NFIX: variants seen among roughly 807,000 people sequenced by gnomAD.
NFIX encodes the protein nuclear factor I X.
In NFIX, 2 loss-of-function variants were observed where a neutral mutation model predicts 53.3. The observed-to-expected ratio is 0.04, with a 90% CI of 0.02 to 0.12. NFIX has a LOEUF of 0.12. Ranked by LOEUF, NFIX falls within the 10% of genes least tolerant of loss-of-function variation. NFIX has a pLI of 1.00. For missense variants in NFIX, 310 were observed against 674.5 expected, an observed-to-expected ratio of 0.46 and a Z score of 5.99; for synonymous variants, 244 against 289.0, an observed-to-expected ratio of 0.84 and a Z score of 1.58.
At chr19:13,010,956 G>C (rs560658086) in intron 1 of NFIX, among the ~76,000 whole-genome samples, 1 of 152,288 alleles carries the variant, frequency 6.6e-6, no homozygotes, top group South Asian at 2.1e-4. Context: ...TGGCGCCCCT[G>C]CATGTGCTAT....
intron 2 of NFIX, among the ~76,000 whole-genome samples, chr19:13,063,202 T>C (rs886111729): frequency 6.6e-6 from 1 of 152,214 alleles, no homozygotes; most frequent in African/African-American, 2.4e-5. Context: ...TGCCCTGGGC[T>C]AAAGTGAATT....
rs1379274962 is a variant in NFIX, at chr19:13,095,482, C to T, written c.*833C>T. 1 of 152,348 alleles carries T rather than the reference C, an allele frequency of 6.6e-6. No homozygotes were observed. Among genetic ancestry groups the T allele is most frequent in the African/African-American group, 2.4e-5 (1 of 41,450 alleles). 9.4% of individuals were successfully genotyped at this position (152,348 alleles called of 1,614,324 possible). A position where few individuals can be genotyped will look rare whatever the true frequency, so the allele number is the denominator to read the frequency against. Reference sequence around the variant, plus strand: ...CCCAGCCTGGGACAGGCCCCCTTTCCCCTCTCTCTGCAGGCCAGGAGGGCC... The same window carrying T: ...CCCAGCCTGGGACAGGCCCCCTTTCTCCTCTCTCTGCAGGCCAGGAGGGCC... On this transcript the variant is annotated 3_prime_UTR_variant, in exon 11 of 11. Coordinates refer to ENST00000592199, the MANE Select transcript of NFIX (RefSeq NM_001365902.3).
chr19:13,019,046 C>CA (rs958028952), intron 1 of NFIX, among the ~76,000 whole-genome samples: 2 of 152,112 alleles, frequency 1.3e-5, no homozygotes, highest in African/African-American at 4.8e-5. Flanking sequence ...CCCAGATCAA[C>CA]ATGGGCCCAA....
chr19:13,092,138 C>A (rs1295291377), intron 10 of NFIX, among the ~76,000 whole-genome samples: 3 of 151,966 alleles, frequency 2.0e-5, no homozygotes, highest in Non-Finnish European at 4.4e-5. Context: ...GGGGTACAGC[C>A]GGGGGTGGTT....
rs754517643 is a variant in NFIX at position 13,075,547 on chromosome 19, C to T, written c.831C>T (p.Arg277=). 1 of 1,613,746 alleles carries T rather than the reference C, an allele frequency of 6.2e-7. No homozygotes were observed. Among genetic ancestry groups the T allele is most frequent in the Non-Finnish European group, 8.5e-7 (1 of 1,179,788 alleles). Reference sequence around the variant, plus strand: ...CTTTCTTCCCCAGCACCACCAAGCGCCCCAAGTCCATCGATGACAGTGAGA... The same window carrying T: ...CTTTCTTCCCCAGCACCACCAAGCGTCCCAAGTCCATCGATGACAGTGAGA... ...TSPPSTSTTK[R]PKSIDDSEME... The change falls in exon 6 of 11, where the codon CGC becomes CGT. Residue 277 remains arginine (R), a synonymous_variant. Transcript: ENST00000592199.
At chr19:13,076,276 T>C (rs1296239694) in intron 6 of NFIX, among the ~76,000 whole-genome samples, 4 of 152,134 alleles carry the variant, frequency 2.6e-5, no homozygotes, top group Non-Finnish European at 4.4e-5. Flanking sequence ...AGCAGAGTCC[T>C]TTTGAGACCA....
At position 13,081,761 on chromosome 19, in the gene NFIX, C is replaced by T. The variant is rs1466248772; in HGVS notation, c.1160C>T (p.Pro387Leu). The change falls in exon 8 of 11, where the codon CCG (proline) becomes CTG (leucine). Residue 387 changes from proline (P) to leucine (L), a missense_variant. Coordinates refer to ENST00000592199, the MANE Select transcript of NFIX (RefSeq NM_001365902.3). This position sits in a 1 kb window ranked among gnomAD's most constrained non-coding sequence, Gnocchi z 4.7. Reference sequence around the variant, plus strand: ...CAGTCGAGCCCGTATTTCACGCACCCGACCATCCGCTACCACCACCACCAC... The same window carrying T: ...CAGTCGAGCCCGTATTTCACGCACCTGACCATCCGCTACCACCACCACCAC... Reference protein sequence around the residue: ...IQQSSPYFTHPTIRYHHHHGQ... With the variant: ...IQQSSPYFTHLTIRYHHHHGQ... 6.2e-7 allele frequency: 1 copy of T among 1,613,978 alleles called. No homozygotes were observed. Among genetic ancestry groups the T allele is most frequent in the Non-Finnish European group, 8.5e-7 (1 of 1,179,910 alleles).
At position 13,087,515 on chromosome 19, in the gene NFIX, C is replaced by T. The variant is rs7359889; in HGVS notation, c.1255-474C>T. On this transcript the variant is annotated intron_variant, in intron 8 of 10. Coordinates refer to ENST00000592199, the MANE Select transcript of NFIX (RefSeq NM_001365902.3). ...GTGGGGTGGGTGCTGGCAGGCCTGC[C>T]GTCCTTGGTTAGGTGAACCAGCTCA... Among the ~76,000 whole-genome samples the T allele has an allele frequency of 5.4e-3, 820 of 152,036 alleles. 9 individuals are homozygous for T. Among genetic ancestry groups the T allele is most frequent in the African/African-American group, 0.019 (795 of 41,454 alleles).
chr19:13,000,252 T>TA (rs1342771320), intron 1 of NFIX, among the ~76,000 whole-genome samples: 1 of 152,160 alleles, frequency 6.6e-6, no homozygotes, highest in Non-Finnish European at 1.5e-5. Flanking sequence ...GGGCTGTACT[T>TA]AGGTTCAATG....
intron 1 of NFIX, among the ~76,000 whole-genome samples, chr19:12,997,484 G>A (rs2011511622): frequency 6.6e-6 from 1 of 152,248 alleles, no homozygotes; most frequent in Non-Finnish European, 1.5e-5. Context: ...CACCATGGCA[G>A]TGTGGGGAAC....
At chr19:13,069,275 C>T (rs1243600090) in intron 2 of NFIX, among the ~76,000 whole-genome samples, 1 of 152,168 alleles carries the variant, frequency 6.6e-6, no homozygotes, top group African/African-American at 2.4e-5. Context: ...GGCTGGCAAG[C>T]AGGCTGGAAA....
intron 2 of NFIX, among the ~76,000 whole-genome samples, chr19:13,032,303 C>G (rs982811413): frequency 6.6e-6 from 1 of 152,004 alleles, no homozygotes; most frequent in Non-Finnish European, 1.5e-5. Flanking sequence ...GGTGGAGCTC[C>G]CAGGGTGACA....
rs563087258 is a variant in NFIX at position 13,001,042 on chromosome 19, C to G, written c.27+5178C>G. ...GACCAGAGAGGTAGGGGAGGCTGGG[C>G]ACTTTCTCCAACACGGTGCTGAGAA... On this transcript the variant is annotated intron_variant, in intron 1 of 10. Coordinates refer to ENST00000592199, the MANE Select transcript of NFIX (RefSeq NM_001365902.3). The surrounding 1 kb of genome is among the most constrained non-coding windows in gnomAD (Gnocchi z 6.5). 2.0e-4 allele frequency among the ~76,000 whole-genome samples: 30 copies of G among 152,268 alleles called. No homozygotes were observed. Among genetic ancestry groups the G allele is most frequent in the African/African-American group, 7.0e-4 (29 of 41,556 alleles).
At chr19:13,058,678 C>T (rs1478573917) in intron 2 of NFIX, among the ~76,000 whole-genome samples, 2 of 151,560 alleles carry the variant, frequency 1.3e-5, no homozygotes, top group African/African-American at 2.4e-5. Context: ...GGTGACAGAG[C>T]AAGACCCTGT....
intron 8 of NFIX, among the ~76,000 whole-genome samples, chr19:13,083,083 C>T (rs1047709855): frequency 6.6e-6 from 1 of 152,194 alleles, no homozygotes; most frequent in Admixed American, 6.5e-5. Context: ...CTTTGCCCAT[C>T]GAGGGTTTCT....
In NFIX at chr19:13,037,627, G is replaced by A. The variant is rs1203533634; in HGVS notation, c.559+12075G>A. On this transcript the variant is annotated intron_variant, in intron 2 of 10. Coordinates refer to ENST00000592199, the MANE Select transcript of NFIX (RefSeq NM_001365902.3). The surrounding 1 kb of genome is among the most constrained non-coding windows in gnomAD (Gnocchi z 4.2). ...TGGCAGATGAGGGGATTGGAAGAAGGCTGGATGACCAACTCGTCCTGGTTT... is the reference window on the plus strand; with the variant it reads ...TGGCAGATGAGGGGATTGGAAGAAGACTGGATGACCAACTCGTCCTGGTTT... 6.6e-6 allele frequency among the ~76,000 whole-genome samples: 1 copy of A among 152,168 alleles called. No individual in the cohort carries two copies. The highest frequency in any genetic ancestry group is 2.4e-5 in the African/African-American group (1 of 41,420).
In NFIX at chr19:13,094,700, G is replaced by T. The variant is rs570936824; in HGVS notation, c.*51G>T. The T allele has an allele frequency of 3.9e-6, 6 of 1,521,624 alleles. No homozygotes were observed. Among genetic ancestry groups the T allele is most frequent in the Middle Eastern group, 1.7e-4 (1 of 5,952 alleles). 94.3% of individuals were successfully genotyped at this position (1,521,624 alleles called of 1,614,324 possible). A position where few individuals can be genotyped will look rare whatever the true frequency, so the allele number is the denominator to read the frequency against. Reference sequence around the variant, plus strand: ...ATGAGAAGAAGAGGTTCCTCGAAAGGGGGGAGAAGAAATTTTGAGAATGGA... The same window carrying T: ...ATGAGAAGAAGAGGTTCCTCGAAAGTGGGGAGAAGAAATTTTGAGAATGGA... On this transcript the variant is annotated 3_prime_UTR_variant, in exon 11 of 11. Coordinates refer to ENST00000592199, the MANE Select transcript of NFIX (RefSeq NM_001365902.3). This position sits in a 1 kb window ranked among gnomAD's most constrained non-coding sequence, Gnocchi z 4.3.
chr19:13,029,653 A>T (rs2013644496), intron 2 of NFIX, among the ~76,000 whole-genome samples: 1 of 152,134 alleles, frequency 6.6e-6, no homozygotes, highest in South Asian at 2.1e-4. Context: ...CTGAGAGCAG[A>T]TTCGGCCTCC....
At position 13,094,921 on chromosome 19, in the gene NFIX, G is replaced by C. The variant is rs1243945986; in HGVS notation, c.*272G>C. 5 of 483,204 alleles carry C rather than the reference G, an allele frequency of 1.0e-5. No homozygotes were observed. Among genetic ancestry groups the C allele is most frequent in the Non-Finnish European group, 1.9e-5 (5 of 267,006 alleles). The allele number at this position is 483,204 out of a possible 1,614,324, so 29.9% of individuals were successfully genotyped here. On this transcript the variant is annotated 3_prime_UTR_variant, in exon 11 of 11. Transcript: ENST00000592199. This position sits in a 1 kb window ranked among gnomAD's most constrained non-coding sequence, Gnocchi z 4.3. ...GAAAGAAACACGCGACATGGACTCT[G>C]TCAAGTAGAGGACAGAAAGCAAGAA...
Sources: allele counts gnomAD v4.1 joint callset (sites outside exome capture counted in the v4.1 genomes callset), GRCh38; gene constraint gnomAD v4.1.1; non-coding constraint Gnocchi (gnomAD v3.1); transcripts MANE v1.5; gene names NCBI Gene and HGNC (gene_info 2026-07-23, HGNC 2026-07-21).